CHID1: variants seen among roughly 807,000 people sequenced by gnomAD.
CHID1 encodes the protein chitinase domain-containing protein 1.
A neutral mutation model predicts 55.4 loss-of-function variants in CHID1; 44 were observed. The ratio of observed to expected loss-of-function variants is 0.79; its 90% confidence interval spans 0.62 to 1.02. The LOEUF (loss-of-function observed/expected upper bound fraction) is 1.02, where lower values mean the gene tolerates loss of function less well. CHID1 is among the 50% of genes least tolerant of loss of function. The pLI, the probability that CHID1 is intolerant of heterozygous loss-of-function variation, is 0.00. For missense variants in CHID1, 491 were observed against 515.3 expected (o/e 0.95, Z 0.46); for synonymous variants, 216 against 212.9 (o/e 1.01, Z -0.13).
At position 869,909 on chromosome 11, in the gene CHID1, G is replaced by C. The variant is rs1849047547; in HGVS notation, c.1131C>G (p.Val377=). ...GGCCCTGGCCCAGCTCCCAGATAGA[G>C]ACCCCAACGCCCAGCTCCCGGGCCA... The part of the protein sequence containing the change: ...LELARELGVG[V]SIWELGQGLD... The change falls in exon 13 of 13, where the codon GTC becomes GTG. Residue 377 remains valine (V), a synonymous_variant. Coordinates refer to ENST00000323578, the MANE Select transcript of CHID1 (RefSeq NM_023947.4). The C allele has an allele frequency of 6.2e-7, 1 of 1,612,922 alleles. No homozygotes were observed. Among genetic ancestry groups the C allele is most frequent in the Non-Finnish European group, 8.5e-7 (1 of 1,179,904 alleles).
In CHID1 at chr11:884,076, T is replaced by C. The variant is rs750308081; in HGVS notation, c.795A>G (p.Thr265=). ...CCCAAGCCCACACTCACTGATGCGC[T>C]GTAGAGTAGTCGTAGGTCATGAGGC... The part of the protein sequence containing the change: ...GFSLMTYDYS[T]AHQPGPNAPL... Residue 265 remains threonine (T), a synonymous_variant, in exon 9 of 13, where the codon ACA becomes ACG. Coordinates refer to ENST00000323578, the MANE Select transcript of CHID1 (RefSeq NM_023947.4). 6.2e-7 allele frequency: 1 copy of C among 1,613,548 alleles called. No individual in the cohort carries two copies.
intron 10 of CHID1, among the ~76,000 whole-genome samples, chr11:872,087 G>A (rs888276183): frequency 6.6e-6 from 1 of 152,178 alleles, no homozygotes; most frequent in Non-Finnish European, 1.5e-5. Flanking sequence ...ATCAGACCCC[G>A]GCAAACACAT....
At position 887,322 on chromosome 11, in the gene CHID1, G is replaced by A. The variant is rs116158875; in HGVS notation, c.702-3153C>T. Among the ~76,000 whole-genome samples the A allele has an allele frequency of 2.2e-3, 329 of 152,210 alleles. 2 individuals are homozygous for A. The highest frequency in any genetic ancestry group is 7.7e-3 in the African/African-American group (318 of 41,536). ...GCATTACAGGCGCGTACCTCCACACGCAGCCCGTCGTTGCTTTCCCACCAC... is the reference window on the plus strand; with the variant it reads ...GCATTACAGGCGCGTACCTCCACACACAGCCCGTCGTTGCTTTCCCACCAC... On this transcript the variant is annotated intron_variant, in intron 8 of 12. Transcript: ENST00000323578.
At chr11:870,989 CTTTTTTTT>C (rs57877062) in intron 10 of CHID1, among the ~76,000 whole-genome samples, 1 of 92,000 alleles carries the variant, frequency 1.1e-5, no homozygotes, top group South Asian at 3.7e-4. Context: ...GTTTCTGCAC[CTTTTTTTT>C]TTTTTTTTTT....
In CHID1 at chr11:900,935, C is replaced by G. The variant is rs1851765394; in HGVS notation, c.439+1G>C. 3 of 1,602,044 alleles carry G rather than the reference C, an allele frequency of 1.9e-6. No homozygotes were observed. The highest frequency in any genetic ancestry group is 2.6e-6 in the Non-Finnish European group (3 of 1,175,030). On this transcript the variant is annotated splice_donor_variant, in intron 5 of 12. Coordinates refer to ENST00000323578, the MANE Select transcript of CHID1 (RefSeq NM_023947.4). LOFTEE classifies it high-confidence loss of function. The stretch of plus-strand genomic sequence containing the variant: ...CTCCACTCCTGGCCTGCCGCACTTA[C>G]CTATGTGCAGGCCCTTGGCATGCTT...
At chr11:870,989 CTTTTTTTTTT>C (rs57877062) in intron 10 of CHID1, among the ~76,000 whole-genome samples, 2 of 91,984 alleles carry the variant, frequency 2.2e-5, no homozygotes, top group African/African-American at 8.2e-5. Flanking sequence ...GTTTCTGCAC[CTTTTTTTTTT>C]TTTTTTTTTG....
intron 8 of CHID1, among the ~76,000 whole-genome samples, chr11:887,318 A>C (rs1244518107): frequency 6.6e-6 from 1 of 152,126 alleles, no homozygotes; most frequent in African/African-American, 2.4e-5. Context: ...GCGTACCTCC[A>C]CACGCAGCCC....
rs1851763392 is a variant in CHID1, at chr11:900,924, T to C, written c.439+12A>G. The stretch of plus-strand genomic sequence containing the variant: ...GCCATCAGGGCCTCCACTCCTGGCC[T>C]GCCGCACTTACCTATGTGCAGGCCC... On this transcript the variant is annotated intron_variant, in intron 5 of 12. Transcript: ENST00000323578. 6.3e-7 allele frequency: 1 copy of C among 1,598,518 alleles called. No homozygotes were observed. The highest frequency in any genetic ancestry group is 8.5e-7 in the Non-Finnish European group (1 of 1,173,630).
At chr11:905,145 G>A (rs538544525) in intron 1 of CHID1, among the ~76,000 whole-genome samples, 12 of 152,286 alleles carry the variant, frequency 7.9e-5, no homozygotes, top group East Asian at 5.8e-4. Context: ...GCCCAAGGCC[G>A]CCCTGACCAC....
Position 883,307 on chromosome 11 carries a change from C to T in CHID1, c.804-4G>A. On this transcript the variant is annotated splice_region_variant and splice_polypyrimidine_tract_variant and intron_variant, in intron 9 of 12. Transcript: ENST00000323578. ...CAGGGGTGCATTAGGGCCAGGCCTG[C>T]AGGGCAAGGGGTGAGCGAGTTTCAG... The T allele has an allele frequency of 1.2e-6, 2 of 1,608,886 alleles. No homozygotes were observed. The highest frequency in any genetic ancestry group is 4.5e-5 in the East Asian group (2 of 44,712).
intron 10 of CHID1, among the ~76,000 whole-genome samples, chr11:872,922 C>T (rs114427953): frequency 2.3e-3 from 346 of 152,282 alleles, no homozygotes; most frequent in African/African-American, 7.9e-3. Flanking sequence ...TGGGGGTGGC[C>T]AGGACCCCTG....
At chr11:899,827 G>A (rs1851669206) in intron 6 of CHID1, among the ~76,000 whole-genome samples, 177 bp downstream of exon 6, 1 of 152,234 alleles carries the variant, frequency 6.6e-6, no homozygotes, top group Non-Finnish European at 1.5e-5. Context: ...TCAAGAAAGC[G>A]AGCAGCAGCC....
At chr11:877,847 G>GTGGGGAGGCGGGGCCTTTAGAAGGCGA (rs1849625603) in intron 10 of CHID1, among the ~76,000 whole-genome samples, 2 of 41,724 alleles carry the variant, frequency 4.8e-5, no homozygotes, top group Non-Finnish European at 5.2e-5. Context: ...TTAGAAGGCG[G>GTGGGGAGGCGGGGCCTTTAGAAGGCGA]CACTGTGGGG....
chr11:870,411 A>G lies in CHID1; in HGVS notation c.1040+8T>C, dbSNP rs1277763441. On this transcript the variant is annotated splice_region_variant and intron_variant, in intron 11 of 12. Coordinates refer to ENST00000323578, the MANE Select transcript of CHID1 (RefSeq NM_023947.4). ...GCCAAGGTGGGCCACGCACTTCAAA[A>G]CACTCACTTCTTGTACTCGAAGAAG... The G allele has an allele frequency of 4.4e-6, 7 of 1,606,742 alleles. No homozygotes were observed. The highest frequency in any genetic ancestry group is 6.0e-6 in the Non-Finnish European group (7 of 1,175,432).
chr11:892,722 C>T (rs1850936457), intron 8 of CHID1, among the ~76,000 whole-genome samples: 1 of 152,226 alleles, frequency 6.6e-6, no homozygotes, highest in Non-Finnish European at 1.5e-5. Flanking sequence ...CCAGTTGCAG[C>T]CCACACTGAT....
rs113255460 is a variant in CHID1, at chr11:896,459, A to G, written c.608+2881T>C. ...CACCCCCAGCCTCCACCCCAGACAC[A>G]AGGCTGTCTCAGCACCCCCAGCCTC... On this transcript the variant is annotated intron_variant, in intron 7 of 12. Transcript: ENST00000323578. 1.7e-3 allele frequency among the ~76,000 whole-genome samples: 81 copies of G among 49,058 alleles called. 1 individual carries two copies. Among genetic ancestry groups the G allele is most frequent in the African/African-American group, 4.4e-3 (49 of 11,160 alleles). 32.2% of individuals were successfully genotyped at this position (49,058 alleles called of 152,430 possible). A position where few individuals can be genotyped will look rare whatever the true frequency, so the allele number is the denominator to read the frequency against.
Position 875,111 on chromosome 11 carries a change from C to A in CHID1, c.960-4612G>T, listed in dbSNP as rs1322002190. Among the ~76,000 whole-genome samples, 2 of 152,226 alleles carry A rather than the reference C, an allele frequency of 1.3e-5. No individual in the cohort carries two copies. Among genetic ancestry groups the A allele is most frequent in the African/African-American group, 4.8e-5 (2 of 41,470 alleles). On this transcript the variant is annotated intron_variant, in intron 10 of 12. Coordinates refer to ENST00000323578, the MANE Select transcript of CHID1 (RefSeq NM_023947.4). The surrounding 1 kb of genome is among the most constrained non-coding windows in gnomAD (Gnocchi z 4.7). ...AGGGCTGCTGTGAGCAATGGTGAGG[C>A]CCCCAGTGCCAGGCCCAGGCCCCCT...
intron 8 of CHID1, among the ~76,000 whole-genome samples, chr11:887,015 C>T (rs571042385): frequency 6.6e-6 from 1 of 152,276 alleles, no homozygotes; most frequent in East Asian, 1.9e-4. Context: ...TCTCTGGGGT[C>T]TTTGTTGCTT....
At chr11:883,993 G>A in intron 9 of CHID1, 75 bp downstream of exon 9, 3 of 1,172,242 alleles carry the variant, frequency 2.6e-6, no homozygotes, top group Non-Finnish European at 3.8e-6. Flanking sequence ...CTGTGCCCAG[G>A]AGCCCCCCAG....
Sources: allele counts gnomAD v4.1 joint callset (sites outside exome capture counted in the v4.1 genomes callset), GRCh38; gene constraint gnomAD v4.1.1; non-coding constraint Gnocchi (gnomAD v3.1); transcripts MANE v1.5; gene names NCBI Gene and HGNC (gene_info 2026-07-23, HGNC 2026-07-21).